CATSPERB: variants seen among roughly 807,000 people sequenced by gnomAD.
CATSPERB encodes the protein cation channel sperm-associated auxiliary subunit beta.
Under a neutral mutation model 128.3 loss-of-function variants are expected in CATSPERB, and 93 were observed. The observed-to-expected ratio is 0.72, with a 90% confidence interval of 0.61 to 0.86. The LOEUF (loss-of-function observed/expected upper bound fraction) is 0.86, where lower values mean the gene tolerates loss of function less well. Ranked by LOEUF, CATSPERB falls within the 40% of genes least tolerant of loss-of-function variation. The probability of loss-of-function intolerance (pLI) is 0.00; values close to 1 mark genes in which losing one functional copy is unlikely to be tolerated. For missense variants in CATSPERB, 1,153 were observed against 1,329.5 expected (o/e 0.87, Z 2.06); for synonymous variants, 381 against 448.8 (o/e 0.85, Z 1.91).
chr14:91,629,876 T>C (rs961968808), intron 17 of CATSPERB, among the ~76,000 whole-genome samples: 2 of 152,124 alleles, frequency 1.3e-5, no homozygotes, highest in African/African-American at 4.8e-5. Context: ...AGGGGATTTG[T>C]GCAATGGAGA....
intron 11 of CATSPERB, among the ~76,000 whole-genome samples, chr14:91,678,796 CTTTG>C (rs1398872516): frequency 2.0e-5 from 3 of 152,022 alleles, no homozygotes; most frequent in Admixed American, 6.6e-5. Context: ...GCAGAATGAT[CTTTG>C]TTTGTATGAT....
intron 12 of CATSPERB, among the ~76,000 whole-genome samples, chr14:91,673,257 C>T (rs1199872478): frequency 9.0e-6 from 1 of 111,376 alleles, no homozygotes; most frequent in Non-Finnish European, 2.0e-5. Context: ...AACTGAAACT[C>T]AACGGATCAC....
intron 10 of CATSPERB, among the ~76,000 whole-genome samples, chr14:91,689,600 T>C (rs1011288014): frequency 3.9e-5 from 6 of 152,214 alleles, no homozygotes; most frequent in African/African-American, 1.2e-4. Context: ...TTGTAATTGC[T>C]GAGATATTTG....
intron 6 of CATSPERB, among the ~76,000 whole-genome samples, chr14:91,707,760 G>A (rs1174983141): frequency 1.3e-5 from 2 of 149,004 alleles, no homozygotes; most frequent in Admixed American, 1.3e-4. Context: ...CACCATGCCT[G>A]GTTAACTTTT....
chr14:91,667,453 T>C (rs1432286516), intron 14 of CATSPERB, among the ~76,000 whole-genome samples: 2 of 152,018 alleles, frequency 1.3e-5, no homozygotes, highest in Non-Finnish European at 2.9e-5. Flanking sequence ...AAGAGAGAGA[T>C]AGAAGTAGTC....
rs558924016 is a variant in CATSPERB at position 91,730,541 on chromosome 14, CT to C, written c.1-1063del. ...ACAGCATCCATGATGAATTTCACCT[CT>C]AAGGAACTTGGGGGACAGGAGGTAC... On this transcript the variant is annotated intron_variant, in intron 1 of 26. Coordinates refer to ENST00000256343, the MANE Select transcript of CATSPERB (RefSeq NM_024764.4). 3.7e-4 allele frequency among the ~76,000 whole-genome samples: 56 copies of C among 152,308 alleles called. 1 individual carries two copies. The East Asian group carries it at 0.01, about 27-fold the overall frequency.
At chr14:91,670,728 G>C (rs1566725861) in intron 13 of CATSPERB, among the ~76,000 whole-genome samples, 3 of 151,950 alleles carry the variant, frequency 2.0e-5, no homozygotes, top group Non-Finnish European at 4.4e-5. Flanking sequence ...TTTTGGCCAG[G>C]CGCAGTGGCT....
intron 7 of CATSPERB, among the ~76,000 whole-genome samples, chr14:91,696,563 G>A (rs1388155840): frequency 6.6e-5 from 10 of 152,124 alleles, no homozygotes; most frequent in Admixed American, 2.6e-4. Flanking sequence ...AGCATCATCT[G>A]CATTAAATTC....
At position 91,688,764 on chromosome 14, in the gene CATSPERB, A is replaced by G. The variant is rs1028477881; in HGVS notation, c.864+2759T>C. Among the ~76,000 whole-genome samples, 6 of 152,158 alleles carry G rather than the reference A, an allele frequency of 3.9e-5. No homozygotes were observed. The South Asian group carries it at 8.3e-4, about 21-fold the overall frequency. On this transcript the variant is annotated intron_variant, in intron 10 of 26. Coordinates refer to ENST00000256343, the MANE Select transcript of CATSPERB (RefSeq NM_024764.4). ...GTATTCAGTCCCAGGAAGTATTTTT[A>G]TGCTGCACTTGAAGCTCTTTATTGA... is the stretch of plus-strand genomic sequence containing the variant.
At chr14:91,637,232 T>C (rs887466916) in intron 16 of CATSPERB, among the ~76,000 whole-genome samples, 4 of 152,086 alleles carry the variant, frequency 2.6e-5, no homozygotes, top group African/African-American at 9.7e-5. Context: ...TTTGTTGCTA[T>C]GAGACAAGGT....
At chr14:91,697,907 CTG>C (rs1895589629) in intron 7 of CATSPERB, among the ~76,000 whole-genome samples, 1 of 152,046 alleles carries the variant, frequency 6.6e-6, no homozygotes, top group Non-Finnish European at 1.5e-5. Context: ...TTTTCTAATT[CTG>C]TGAAAAATAA....
At chr14:91,677,187 C>A (rs899005758) in intron 11 of CATSPERB, among the ~76,000 whole-genome samples, 5 of 152,100 alleles carry the variant, frequency 3.3e-5, no homozygotes, top group Non-Finnish European at 7.4e-5. Flanking sequence ...ATGAAAACAC[C>A]AAAAGCAATT....
At chr14:91,691,901 T>C (rs11844874) in intron 9 of CATSPERB, among the ~76,000 whole-genome samples, 2,037 of 152,174 alleles carry the variant, frequency 0.013, 45 homozygotes, top group African/African-American at 0.046. Context: ...CAGGTGGGCC[T>C]GGCACGGTGG....
intron 8 of CATSPERB, 61 bp from the exon 9 acceptor site, chr14:91,693,305 G>A: frequency 6.5e-7 from 1 of 1,543,972 alleles, no homozygotes; most frequent in Non-Finnish European, 8.9e-7. Flanking sequence ...CCTTACTGAA[G>A]CAAAGACATT....
intron 23 of CATSPERB, among the ~76,000 whole-genome samples, chr14:91,590,786 G>GACT (rs1176638585): frequency 6.6e-6 from 1 of 151,668 alleles, no homozygotes. Context: ...CAGTAGCTGG[G>GACT]ACTACAGGCG....
intron 15 of CATSPERB, among the ~76,000 whole-genome samples, chr14:91,656,019 G>T (rs1894781466): frequency 6.6e-6 from 1 of 152,070 alleles, no homozygotes; most frequent in Admixed American, 6.6e-5. Flanking sequence ...AAACCTTACA[G>T]GCCAGGAAAA....
chr14:91,592,185 C>T (rs918742929), intron 22 of CATSPERB, 183 bp from the exon 23 acceptor site: 3 of 593,820 alleles, frequency 5.1e-6, no homozygotes, highest in African/African-American at 3.7e-5. Context: ...TTTTAGTTGC[C>T]CCCTTGCTTG....
chr14:91,592,368 T>C (rs567235663), intron 22 of CATSPERB: 128 of 285,492 alleles, frequency 4.5e-4, no homozygotes, highest in African/African-American at 2.8e-3. Flanking sequence ...GTGGCCTTGA[T>C]AATGTGGGGC....
At chr14:91,601,045 GTTA>G (rs1414253648) in intron 22 of CATSPERB, among the ~76,000 whole-genome samples, 2 of 152,216 alleles carry the variant, frequency 1.3e-5, no homozygotes, top group Non-Finnish European at 2.9e-5. Flanking sequence ...CAACACCTAT[GTTA>G]ATTATCAGCT....
Sources: allele counts gnomAD v4.1 joint callset (sites outside exome capture counted in the v4.1 genomes callset), GRCh38; gene constraint gnomAD v4.1.1; transcripts MANE v1.5; gene names NCBI Gene and HGNC (gene_info 2026-07-23, HGNC 2026-07-21).